KLF12: variants seen among roughly 807,000 people sequenced by gnomAD.
KLF12 encodes Krueppel-like factor 12.
In KLF12, 9 loss-of-function variants were observed where a neutral mutation model predicts 37.8. The observed-to-expected ratio is 0.24, with a 90% CI of 0.14 to 0.42. The LOEUF (loss-of-function observed/expected upper bound fraction) is 0.42. Ranked by LOEUF, KLF12 falls within the 10% of genes least tolerant of loss-of-function variation. The probability of loss-of-function intolerance (pLI) is 1.00; values close to 1 mark genes in which losing one functional copy is unlikely to be tolerated. For synonymous variants in KLF12, 208 were observed against 202.1 expected (o/e 1.03, Z -0.25); for missense variants, 411 against 516.0 (o/e 0.80, Z 1.97).
At chr13:73,966,597 C>T (rs1205807960) in intron 2 of KLF12, among the ~76,000 whole-genome samples, 1 of 152,108 alleles carries the variant, frequency 6.6e-6, no homozygotes, top group Non-Finnish European at 1.5e-5. Flanking sequence ...CCTCTTGTAG[C>T]TCCATGTGCA....
chr13:74,013,341 C>G (rs1022018746), intron 1 of KLF12, among the ~76,000 whole-genome samples: 2 of 152,178 alleles, frequency 1.3e-5, no homozygotes, highest in East Asian at 3.8e-4. Context: ...GGGTTGAGAC[C>G]GAGGTGGCTA....
the KLF12 span, among the ~76,000 whole-genome samples, chr13:74,148,403 C>CTTTTTTTTTT: frequency 1.6e-4 from 12 of 73,498 alleles, no homozygotes; most frequent in Non-Finnish European, 2.1e-4. Flanking sequence ...CAAAACTGCT[C>CTTTTTTTTTT]TTTTTTTTTT....
chr13:74,093,858 C>G (rs902073779), intron 1 of KLF12, among the ~76,000 whole-genome samples: 19 of 151,938 alleles, frequency 1.3e-4, no homozygotes, highest in Admixed American at 3.3e-4. Context: ...CAATCAACCA[C>G]TCTGACTTCA....
At chr13:73,829,905 T>C (rs925728043) in intron 4 of KLF12, among the ~76,000 whole-genome samples, 9 of 152,194 alleles carry the variant, frequency 5.9e-5, no homozygotes, top group African/African-American at 1.7e-4. Flanking sequence ...TATTTAGACT[T>C]GTAAATGGAC....
In KLF12 at chr13:73,688,665, T is replaced by A. The variant is rs1873639348; in HGVS notation, c.*6825A>T. ...GGTTGCTATTGTTTGTTTATAATGA[T>A]CCTTCATGCATGATTTTCCGGGAAA... is the stretch of plus-strand genomic sequence containing the variant. On this transcript the variant is annotated 3_prime_UTR_variant, in exon 8 of 8. Transcript: ENST00000377669. The A allele has an allele frequency of 6.6e-6, 1 of 152,212 alleles. No individual in the cohort carries two copies. The highest frequency in any genetic ancestry group is 1.5e-5 in the Non-Finnish European group (1 of 68,044). The allele number at this position is 152,212 out of a possible 1,614,324, so 9.4% of individuals were successfully genotyped here. A position where few individuals can be genotyped will look rare whatever the true frequency, so the allele number is the denominator to read the frequency against.
intron 6 of KLF12, among the ~76,000 whole-genome samples, chr13:73,751,881 C>A (rs571048128): frequency 6.6e-6 from 1 of 152,108 alleles, no homozygotes; most frequent in Non-Finnish European, 1.5e-5. Context: ...AGCATGTGCA[C>A]GTGGGGTGAA....
At chr13:74,000,762 C>T (rs182274164) in intron 1 of KLF12, among the ~76,000 whole-genome samples, 4 of 152,216 alleles carry the variant, frequency 2.6e-5, no homozygotes, top group East Asian at 3.9e-4. Flanking sequence ...TTTCAGCTTC[C>T]GTTTCATTAC....
chr13:73,933,268 C>T (rs1566468155), intron 3 of KLF12, among the ~76,000 whole-genome samples: 1 of 152,130 alleles, frequency 6.6e-6, no homozygotes, highest in Admixed American at 6.6e-5. Context: ...TTTGGTTTTG[C>T]TGTTATTTAG....
chr13:73,974,802 C>T (rs1330239799), intron 2 of KLF12, among the ~76,000 whole-genome samples: 1 of 152,144 alleles, frequency 6.6e-6, no homozygotes, highest in Non-Finnish European at 1.5e-5. Context: ...TGACAAATAA[C>T]TGCAAATGAA....
chr13:74,006,582 C>T (rs1255312121), intron 1 of KLF12, among the ~76,000 whole-genome samples: 3 of 152,216 alleles, frequency 2.0e-5, no homozygotes, highest in Non-Finnish European at 4.4e-5. Flanking sequence ...GACTGTTCCC[C>T]TATACATGAT....
At chr13:74,128,366 G>C (rs918067703) in intron 1 of KLF12, among the ~76,000 whole-genome samples, 9 of 150,068 alleles carry the variant, frequency 6.0e-5, no homozygotes, top group Admixed American at 3.4e-4. Context: ...AGGGCAGTGT[G>C]GGGGCGGTGG....
chr13:74,191,879 G>T, the KLF12 span, among the ~76,000 whole-genome samples: 1 of 152,002 alleles, frequency 6.6e-6, no homozygotes, highest in Admixed American at 6.6e-5. Context: ...CACTAGCTCT[G>T]TCTTAAAAAC....
chr13:73,703,565 T>G (rs774402342), intron 7 of KLF12, among the ~76,000 whole-genome samples: 33 of 152,320 alleles, frequency 2.2e-4, no homozygotes, highest in Non-Finnish European at 4.0e-4. Flanking sequence ...GGTTCCTTCT[T>G]TCCTCCTCTA....
chr13:73,904,140 A>C (rs1040117754), intron 3 of KLF12, among the ~76,000 whole-genome samples: 1 of 152,232 alleles, frequency 6.6e-6, no homozygotes, highest in East Asian at 1.9e-4. Context: ...CAATGGAGAT[A>C]TAACAGCTCA....
chr13:74,168,966 T>G, the KLF12 span, among the ~76,000 whole-genome samples: 1 of 152,222 alleles, frequency 6.6e-6, no homozygotes, highest in African/African-American at 2.4e-5. Flanking sequence ...TTCCTGGCTG[T>G]GCAGAGAGTA....
At chr13:74,020,303 A>G (rs762249825) in intron 1 of KLF12, among the ~76,000 whole-genome samples, 1 of 152,188 alleles carries the variant, frequency 6.6e-6, no homozygotes, top group African/African-American at 2.4e-5. Flanking sequence ...ACTCTATTCA[A>G]CCTATCACAG....
chr13:73,816,750 G>C (rs1320050764), intron 4 of KLF12, among the ~76,000 whole-genome samples: 1 of 152,194 alleles, frequency 6.6e-6, no homozygotes, highest in Non-Finnish European at 1.5e-5. Context: ...GGCTTGAAAA[G>C]CACTTGCACC....
intron 3 of KLF12, among the ~76,000 whole-genome samples, chr13:73,936,824 T>G (rs1175436856): frequency 2.0e-5 from 3 of 152,184 alleles, no homozygotes; most frequent in Admixed American, 6.5e-5. Flanking sequence ...GAGTTTCTAG[T>G]TGTTCATGGT....
At chr13:74,286,390 A>G in the KLF12 span, among the ~76,000 whole-genome samples, 1 of 152,210 alleles carries the variant, frequency 6.6e-6, no homozygotes, top group African/African-American at 2.4e-5. Flanking sequence ...AGCAACTGAA[A>G]TTCATGACAT....
Sources: gnomAD v4.1 joint callset for allele counts (sites outside exome capture counted in the v4.1 genomes callset) on GRCh38, gnomAD v4.1.1 for gene constraint, MANE v1.5 for transcripts, NCBI Gene and HGNC (gene_info 2026-07-23, HGNC 2026-07-21) for gene names.